Variants in HMCN1 observed in about 807,000 individuals in gnomAD.
HMCN1 encodes the protein hemicentin-1.
Under a neutral mutation model 625.9 loss-of-function variants are expected in HMCN1, and 321 were observed. That is an observed-to-expected ratio of 0.51 (90% CI 0.47 to 0.56). HMCN1 has a LOEUF of 0.56. Ranked by LOEUF, HMCN1 falls within the 20% of genes least tolerant of loss-of-function variation. HMCN1 has a pLI of 0.00. For missense variants in HMCN1, 6,588 were observed against 6,887.3 expected (o/e 0.96, Z 1.54); for synonymous variants, 2,425 against 2,417.6 (o/e 1.00, Z -0.09).
At chr1:185,883,349 A>G (rs1342087297) in intron 4 of HMCN1, among the ~76,000 whole-genome samples, 2 of 152,070 alleles carry the variant, frequency 1.3e-5, no homozygotes, top group Non-Finnish European at 2.9e-5. Context: ...GTATTCCACT[A>G]CAATTATGAT....
intron 1 of HMCN1, among the ~76,000 whole-genome samples, chr1:185,743,373 C>A (rs1474258536): frequency 6.6e-6 from 1 of 152,176 alleles, no homozygotes; most frequent in Admixed American, 6.5e-5. Flanking sequence ...CCCATCCAAG[C>A]TTGAATATGA....
chr1:186,128,159 G>A lies in HMCN1; in HGVS notation c.12772G>A (p.Val4258Ile), dbSNP rs370320211. 2 of 1,613,520 alleles carry A rather than the reference G, an allele frequency of 1.2e-6. No homozygotes were observed. Among genetic ancestry groups the A allele is most frequent in the Non-Finnish European group, 1.7e-6 (2 of 1,179,790 alleles). The stretch of plus-strand genomic sequence containing the variant: ...ACACACTGTCAGCCTGACTGTGCAT[G>A]TTCTCCCCACTTTTACTGAACTTCC... ...DTHTVSLTVH[V>I]LPTFTELPGD... Residue 4258 changes from valine (V) to isoleucine (I), a missense_variant, in exon 83 of 107, where the codon GTT (valine) becomes ATT (isoleucine). Around this residue, in one of 3 missense-constraint regions of HMCN1, gnomAD observed 1,954 missense variants for 2,013.1 expected, o/e 0.97. Transcript: ENST00000271588.
chr1:185,777,200 G>A (rs74417286), intron 1 of HMCN1, among the ~76,000 whole-genome samples: 4,742 of 152,242 alleles, frequency 0.031, 220 homozygotes, highest in African/African-American at 0.1. Context: ...ATGGAGAGAT[G>A]AGAATGAAGA....
Position 185,782,193 on chromosome 1 carries a change from T to G in HMCN1, c.268+47146T>G, listed in dbSNP as rs190727415. ...CCTCTGCCTTTTTTTGTTTTCCATT[T>G]GCTTGGTAGATCTTCCTCCATCCCT... is the stretch of plus-strand genomic sequence containing the variant. On this transcript the variant is annotated intron_variant, in intron 1 of 106. Coordinates refer to ENST00000271588, the MANE Select transcript of HMCN1 (RefSeq NM_031935.3). Among the ~76,000 whole-genome samples, 1,389 of 152,304 alleles carry G rather than the reference T, an allele frequency of 9.1e-3. 21 individuals carry two copies. The highest frequency in any genetic ancestry group is 0.03 in the African/African-American group (1,254 of 41,564).
At chr1:185,951,043 G>A (rs1189664842) in intron 11 of HMCN1, among the ~76,000 whole-genome samples, 1 of 151,258 alleles carries the variant, frequency 6.6e-6, no homozygotes, top group Non-Finnish European at 1.5e-5. Flanking sequence ...ATGGGATATT[G>A]GTGTCGAGTG....
intron 14 of HMCN1, among the ~76,000 whole-genome samples, chr1:185,968,449 T>A (rs1429344989): frequency 1.3e-5 from 2 of 151,312 alleles, no homozygotes; most frequent in Non-Finnish European, 2.9e-5. Context: ...AGTGAATGCA[T>A]GTTTTTAATT....
At chr1:185,961,505 C>G (rs1170609746) in intron 11 of HMCN1, among the ~76,000 whole-genome samples, 1 of 152,114 alleles carries the variant, frequency 6.6e-6, no homozygotes, top group Non-Finnish European at 1.5e-5. Flanking sequence ...TTTGTTAATA[C>G]TCATGAAAGC....
intron 6 of HMCN1, among the ~76,000 whole-genome samples, chr1:185,912,387 G>A (rs149027668): frequency 6.6e-6 from 1 of 152,162 alleles, no homozygotes; most frequent in African/African-American, 2.4e-5. Context: ...TTAGCACAAC[G>A]TGGTATTTAT....
intron 4 of HMCN1, among the ~76,000 whole-genome samples, chr1:185,905,459 T>G (rs1314817278): frequency 6.6e-6 from 1 of 151,766 alleles, no homozygotes; most frequent in African/African-American, 2.4e-5. Flanking sequence ...AATTGCAAAC[T>G]GTATTGAACA....
intron 103 of HMCN1, among the ~76,000 whole-genome samples, chr1:186,177,718 A>G (rs1652688034): frequency 6.6e-6 from 1 of 152,222 alleles, no homozygotes. Flanking sequence ...GTCAACCAGT[A>G]GAAAAATCTG....
At chr1:186,152,266 T>C (rs1239351660) in intron 95 of HMCN1, among the ~76,000 whole-genome samples, 1 of 152,200 alleles carries the variant, frequency 6.6e-6, no homozygotes, top group East Asian at 1.9e-4. Flanking sequence ...TCACAGTTGG[T>C]CAGCCTCAAT....
chr1:185,746,536 A>T (rs937385842), intron 1 of HMCN1, among the ~76,000 whole-genome samples: 1 of 150,906 alleles, frequency 6.6e-6, no homozygotes, highest in Non-Finnish European at 1.5e-5. Flanking sequence ...TTGTAGATAC[A>T]TCACCCTAAT....
At chr1:186,089,785 C>T (rs977025169) in intron 63 of HMCN1, among the ~76,000 whole-genome samples, 1 of 108,692 alleles carries the variant, frequency 9.2e-6, no homozygotes, top group Non-Finnish European at 1.9e-5. Context: ...TCTCTTATTA[C>T]TAATGTTCTT....
At chr1:186,138,732 C>T (rs1314292340) in intron 89 of HMCN1, among the ~76,000 whole-genome samples, 1 of 152,174 alleles carries the variant, frequency 6.6e-6, no homozygotes, top group Non-Finnish European at 1.5e-5. Context: ...GTATCAGTCT[C>T]TGGAAAGGAA....
intron 83 of HMCN1, among the ~76,000 whole-genome samples, chr1:186,128,724 A>G (rs1661774663): frequency 6.6e-6 from 1 of 152,050 alleles, no homozygotes; most frequent in South Asian, 2.1e-4. Context: ...TATAGTGTAG[A>G]TTAATTTATG....
intron 97 of HMCN1, among the ~76,000 whole-genome samples, chr1:186,162,649 C>A (rs1558271857): frequency 6.6e-6 from 1 of 152,312 alleles, no homozygotes; most frequent in African/African-American, 2.4e-5. Flanking sequence ...CCCTCAGCTG[C>A]AAGTCTGTTG....
At chr1:186,127,155 A>G (rs906885011) in intron 82 of HMCN1, among the ~76,000 whole-genome samples, 3 of 152,080 alleles carry the variant, frequency 2.0e-5, no homozygotes, top group Admixed American at 6.6e-5. Flanking sequence ...GAGACGGTGA[A>G]GGCTACAGGT....
chr1:185,904,313 G>A (rs1241450985), intron 4 of HMCN1, among the ~76,000 whole-genome samples: 1 of 151,780 alleles, frequency 6.6e-6, no homozygotes, highest in Non-Finnish European at 1.5e-5. Flanking sequence ...GGTTTGTAAA[G>A]CCTGCCATTG....
At chr1:186,072,068 A>C (rs759919445) in intron 52 of HMCN1, among the ~76,000 whole-genome samples, 1 of 152,144 alleles carries the variant, frequency 6.6e-6, no homozygotes, top group African/African-American at 2.4e-5. Context: ...AAATTGACCC[A>C]ATTATGATGC....
Sources: gnomAD v4.1 joint callset for allele counts (sites outside exome capture counted in the v4.1 genomes callset) on GRCh38, gnomAD v4.1.1 for gene constraint, gnomAD v4.1.1 regional missense constraint, MANE v1.5 for transcripts, NCBI Gene and HGNC (gene_info 2026-07-23, HGNC 2026-07-21) for gene names.